Variants in ASIC2 observed in about 807,000 individuals in gnomAD.
ASIC2 encodes the protein acid-sensing ion channel 2.
In ASIC2, 25 loss-of-function variants were observed where a neutral mutation model predicts 57.3. The ratio of observed to expected loss-of-function variants is 0.44; its 90% CI spans 0.32 to 0.61. The LOEUF (loss-of-function observed/expected upper bound fraction) is 0.61. Among genes scored for constraint, ASIC2 ranks in the 20% least tolerant of loss-of-function variants. The probability of loss-of-function intolerance (pLI) is 0.06; values close to 1 mark genes in which losing one functional copy is unlikely to be tolerated. For synonymous variants in ASIC2, 319 were observed against 307.5 expected (o/e 1.04, Z -0.39); for missense variants, 641 against 738.1 (o/e 0.87, Z 1.52).
intron 1 of ASIC2, among the ~76,000 whole-genome samples, chr17:33,578,969 A>G (rs1286236739): frequency 6.6e-6 from 1 of 152,108 alleles, no homozygotes; most frequent in Non-Finnish European, 1.5e-5. Flanking sequence ...GGTCCTAGGG[A>G]GCACCTTGGA....
chr17:33,671,291 C>G (rs1343699020), intron 1 of ASIC2, among the ~76,000 whole-genome samples: 1 of 152,078 alleles, frequency 6.6e-6, no homozygotes, highest in East Asian at 1.9e-4. Context: ...ACACGCACAC[C>G]CAGCATAGCA....
intron 1 of ASIC2, among the ~76,000 whole-genome samples, chr17:33,141,337 G>A (rs181070237): frequency 6.6e-5 from 10 of 152,352 alleles, no homozygotes; most frequent in African/African-American, 2.2e-4. Context: ...AAGGCAACCA[G>A]CTTTCTTTTA....
At chr17:33,641,314 C>G (rs971847296) in intron 1 of ASIC2, among the ~76,000 whole-genome samples, 1 of 152,166 alleles carries the variant, frequency 6.6e-6, no homozygotes, top group African/African-American at 2.4e-5. Flanking sequence ...ACAGAAGAAC[C>G]CACCTTCACT....
intron 1 of ASIC2, among the ~76,000 whole-genome samples, chr17:33,498,141 C>A (rs189231929): frequency 4.6e-5 from 7 of 152,262 alleles, no homozygotes; most frequent in Admixed American, 6.5e-5. Flanking sequence ...AAAATTGAGG[C>A]CCAGAGACTT....
At chr17:33,999,804 T>C (rs9901831) in intron 1 of ASIC2, among the ~76,000 whole-genome samples, 14,705 of 152,184 alleles carry the variant, frequency 0.097, 2,084 homozygotes, top group African/African-American at 0.31. Context: ...ACACCACCAT[T>C]ACAGTATTAA....
rs954609687 is a variant in ASIC2, at chr17:33,642,217, C to T, written c.555+513761G>A. On this transcript the variant is annotated intron_variant, in intron 1 of 9. Coordinates refer to the ASIC2 transcript ENST00000359872. Reference sequence around the variant, plus strand: ...GGGGAGCAAAAGGACACCCCCCCCCCCCCCACACACAATGGTTATGGCTGC... The same window carrying T: ...GGGGAGCAAAAGGACACCCCCCCCCTCCCCACACACAATGGTTATGGCTGC... 4.0e-5 allele frequency among the ~76,000 whole-genome samples: 6 copies of T among 150,340 alleles called. 1 individual carries two copies. The highest frequency in any genetic ancestry group is 4.0e-4 in the Admixed American group (6 of 15,136).
At chr17:33,704,009 G>C (rs1333979946) in intron 1 of ASIC2, among the ~76,000 whole-genome samples, 1 of 152,068 alleles carries the variant, frequency 6.6e-6, no homozygotes. Flanking sequence ...TCTGAGCTCA[G>C]GTCACTGTTC....
At chr17:33,817,578 A>G (rs1912621714) in intron 1 of ASIC2, among the ~76,000 whole-genome samples, 1 of 152,184 alleles carries the variant, frequency 6.6e-6, no homozygotes, top group Admixed American at 6.5e-5. Flanking sequence ...TGCAAATTCT[A>G]GCCTGGACAT....
chr17:33,901,713 T>A (rs1915234603), intron 1 of ASIC2, among the ~76,000 whole-genome samples: 1 of 152,174 alleles, frequency 6.6e-6, no homozygotes, highest in Admixed American at 6.5e-5. Flanking sequence ...GGTGTAGAAT[T>A]CTGATGGCAT....
chr17:33,955,365 T>C (rs2141987929), intron 1 of ASIC2: 1 of 152,302 alleles, frequency 6.6e-6, no homozygotes, highest in East Asian at 1.9e-4. Context: ...TTTCTTGCCA[T>C]CTGGGTTAAC....
chr17:33,233,350 G>A (rs866823500), intron 1 of ASIC2, among the ~76,000 whole-genome samples: 3 of 151,866 alleles, frequency 2.0e-5, no homozygotes, highest in Non-Finnish European at 4.4e-5. Context: ...GCCCTCATGC[G>A]CTAGGAGGTT....
chr17:34,085,002 C>T (rs983807489), intron 1 of ASIC2, among the ~76,000 whole-genome samples: 2 of 152,188 alleles, frequency 1.3e-5, no homozygotes, highest in Non-Finnish European at 2.9e-5. Context: ...AATTTGACTT[C>T]CTCTTTTCCT....
intron 1 of ASIC2, among the ~76,000 whole-genome samples, chr17:33,223,196 C>CT (rs1907748888): frequency 6.7e-6 from 1 of 148,662 alleles, no homozygotes; most frequent in African/African-American, 2.5e-5. Flanking sequence ...TTTCTTTTTT[C>CT]TTTTTTAGAA....
At chr17:33,756,889 C>T (rs1488962024) in intron 1 of ASIC2, among the ~76,000 whole-genome samples, 3 of 152,138 alleles carry the variant, frequency 2.0e-5, no homozygotes, top group African/African-American at 7.2e-5. Context: ...TAGTTCTGGA[C>T]GAGATAAGTT....
intron 7 of ASIC2, among the ~76,000 whole-genome samples, chr17:33,018,857 A>G (rs1398038838): frequency 6.6e-6 from 1 of 152,152 alleles, no homozygotes; most frequent in Non-Finnish European, 1.5e-5. Context: ...GTGGCAGGAC[A>G]GTTCTCTTGG....
intron 1 of ASIC2, among the ~76,000 whole-genome samples, chr17:33,734,381 TTTC>T (rs908314019): frequency 6.6e-6 from 1 of 152,160 alleles, no homozygotes; most frequent in African/African-American, 2.4e-5. Context: ...GTCTTCCACT[TTTC>T]TTACCAGCTC....
chr17:33,716,690 T>C (rs1427873318), intron 1 of ASIC2, among the ~76,000 whole-genome samples: 1 of 152,220 alleles, frequency 6.6e-6, no homozygotes, highest in Non-Finnish European at 1.5e-5. Flanking sequence ...AATATCATTT[T>C]ATAGATTCTT....
chr17:33,582,318 T>G (rs951406443), intron 1 of ASIC2, among the ~76,000 whole-genome samples: 1 of 152,172 alleles, frequency 6.6e-6, no homozygotes, highest in African/African-American at 2.4e-5. Flanking sequence ...AGTGAATGAA[T>G]CAATGAATAA....
At chr17:33,436,255 G>T (rs72821177) in intron 1 of ASIC2, among the ~76,000 whole-genome samples, 1 of 152,266 alleles carries the variant, frequency 6.6e-6, no homozygotes, top group Non-Finnish European at 1.5e-5. Flanking sequence ...CTAATGAAAG[G>T]CCACAGGCTT....
Sources: allele counts gnomAD v4.1 joint callset (sites outside exome capture counted in the v4.1 genomes callset), GRCh38; gene constraint gnomAD v4.1.1; transcripts MANE v1.5; gene names NCBI Gene and HGNC (gene_info 2026-07-23, HGNC 2026-07-21).